The following NHS variants were observed in gnomAD, a reference collection of about 807,000 sequenced individuals.
The protein encoded by NHS is NHS actin remodeling regulator.
Under a neutral mutation model 72.5 loss-of-function variants are expected in NHS, and 5 were observed. The observed-to-expected ratio is 0.07, with a 90% CI of 0.04 to 0.14. The LOEUF (loss-of-function observed/expected upper bound fraction) is 0.14, where lower values mean the gene tolerates loss of function less well. NHS is among the 10% of genes least tolerant of loss of function. The pLI is 1.00. For synonymous variants in NHS, 464 were observed against 547.7 expected (o/e 0.85, Z 2.13); for missense variants, 1,072 against 1,355.7 (o/e 0.79, Z 3.29).
Position 17,642,212 on chromosome X carries a change from C to T in NHS, c.566-45530C>T, listed in dbSNP as rs1296156781. Reference sequence around the variant, plus strand: ...CCGCCCTCCTCGGCTTCCCAAAGTGCTGGGATTACAGGCGTGAGCCGCCAC... The same window carrying T: ...CCGCCCTCCTCGGCTTCCCAAAGTGTTGGGATTACAGGCGTGAGCCGCCAC... On this transcript the variant is annotated intron_variant, in intron 1 of 8. Coordinates refer to ENST00000676302, the MANE Select transcript of NHS (RefSeq NM_001291867.2). Among the ~76,000 whole-genome samples, 3 of 112,332 alleles carry T rather than the reference C, an allele frequency of 2.7e-5. No individual in the cohort carries two copies. The South Asian group carries it at 1.1e-3, about 41-fold the overall frequency.
chrX:17,606,729 T>C (rs752746223), intron 1 of NHS, among the ~76,000 whole-genome samples: 16 of 112,076 alleles, frequency 1.4e-4, no homozygotes, highest in African/African-American at 5.2e-4. Context: ...TTCAGAAGAC[T>C]GGAGCATGTT....
chrX:17,430,022 G>A (rs1347980117), intron 1 of NHS, among the ~76,000 whole-genome samples: 2 of 111,429 alleles, frequency 1.8e-5, no homozygotes, highest in Non-Finnish European at 3.8e-5. Context: ...CATGAAAGAG[G>A]TTCATGGCTA....
rs771171737 is a variant in NHS, at chrX:17,728,336, A to T, written c.4222+8A>T. 1.1e-5 allele frequency: 13 copies of T among 1,201,670 alleles called. No homozygotes were observed. Among genetic ancestry groups the T allele is most frequent in the African/African-American group, 3.5e-5 (2 of 57,039 alleles). On this transcript the variant is annotated splice_region_variant and intron_variant, in intron 7 of 8. Coordinates refer to ENST00000676302, the MANE Select transcript of NHS (RefSeq NM_001291867.2). ...ATGAGGCTTCATTGAAAGGTCAGTC[A>T]CTGATAACTTTGTCATAAAGGAAAT...
At chrX:17,637,922 G>A (rs1250225585) in intron 1 of NHS, among the ~76,000 whole-genome samples, 3 of 112,236 alleles carry the variant, frequency 2.7e-5, no homozygotes, top group East Asian at 2.8e-4. Flanking sequence ...CGTGCTGGAT[G>A]TTGTAGCTGA....
intron 1 of NHS, chrX:17,587,250 T>A (rs942868685): frequency 8.9e-6 from 1 of 112,410 alleles, no homozygotes; most frequent in African/African-American, 3.2e-5. Flanking sequence ...CCTCAGTTAA[T>A]TGTCAAACTG....
intron 1 of NHS, among the ~76,000 whole-genome samples, chrX:17,378,718 C>T (rs185652095): frequency 3.4e-3 from 385 of 111,932 alleles, no homozygotes; most frequent in Non-Finnish European, 5.2e-3. Flanking sequence ...ATCCAGCTGG[C>T]GACCCTCTGA....
In NHS at chrX:17,439,137, G is replaced by A. The variant is rs772715142; in HGVS notation, c.565+62815G>A. Among the ~76,000 whole-genome samples, 13 of 106,849 alleles carry A rather than the reference G, an allele frequency of 1.2e-4. No individual in the cohort carries two copies. In the East Asian group the frequency reaches 3.7e-3, roughly 30 times the overall value. 92.8% of individuals were successfully genotyped at this position (106,849 alleles called of 115,157 possible). A position where few individuals can be genotyped will look rare whatever the true frequency, so the allele number is the denominator to read the frequency against. On this transcript the variant is annotated intron_variant, in intron 1 of 8. Coordinates refer to ENST00000676302, the MANE Select transcript of NHS (RefSeq NM_001291867.2). ...AGCAGGGGTGGGGGGTGGGGCATGT[G>A]CCCATAGGTCTACATCCTAAGGTCA...
At chrX:17,694,895 C>G (rs1184214320) in intron 3 of NHS, among the ~76,000 whole-genome samples, 1 of 111,704 alleles carries the variant, frequency 9.0e-6, no homozygotes, top group Non-Finnish European at 1.9e-5. Context: ...TTGGAAAAAG[C>G]TATTGTATCT....
At chrX:17,687,622 G>T in intron 1 of NHS, 120 bp from the exon 2 acceptor site, 1 of 804,322 alleles carries the variant, frequency 1.2e-6, no homozygotes, top group Non-Finnish European at 1.9e-6. Flanking sequence ...TAATGTGAAT[G>T]CAGTAGTCTG....
chrX:17,515,627 A>T (rs1177480399), intron 1 of NHS, among the ~76,000 whole-genome samples: 2 of 112,053 alleles, frequency 1.8e-5, no homozygotes, highest in Non-Finnish European at 1.9e-5. Context: ...ACCTTTTAGG[A>T]TCCTTTAAAA....
At chrX:17,630,445 C>T (rs2065818913) in intron 1 of NHS, among the ~76,000 whole-genome samples, 1 of 109,117 alleles carries the variant, frequency 9.2e-6, no homozygotes, top group African/African-American at 3.4e-5. Context: ...CCTACATCTC[C>T]TTTACAAGCT....
chrX:17,425,753 A>G (rs1377968970), intron 1 of NHS: 1 of 110,690 alleles, frequency 9.0e-6, no homozygotes, highest in Non-Finnish European at 1.9e-5. Flanking sequence ...CTGCTGGGAA[A>G]GGAATGCTTG....
At chrX:17,670,543 G>A (rs892618785) in intron 1 of NHS, among the ~76,000 whole-genome samples, 1 of 112,577 alleles carries the variant, frequency 8.9e-6, no homozygotes, top group African/African-American at 3.2e-5. Context: ...TCCAGTTAGA[G>A]GACTGGTTTA....
chrX:17,532,665 G>A (rs1315072165), intron 1 of NHS, among the ~76,000 whole-genome samples: 1 of 111,717 alleles, frequency 9.0e-6, no homozygotes, highest in Non-Finnish European at 1.9e-5. Context: ...CAACATTATT[G>A]GAAGAAAGCC....
At chrX:17,403,263 A>G (rs1478090150) in intron 1 of NHS, among the ~76,000 whole-genome samples, 6 of 112,185 alleles carry the variant, frequency 5.3e-5, no homozygotes, top group Non-Finnish European at 1.1e-4. Context: ...TCACATGGCC[A>G]CACCTAACTG....
At chrX:17,538,825 C>T (rs2065247249) in intron 1 of NHS, among the ~76,000 whole-genome samples, 1 of 111,967 alleles carries the variant, frequency 8.9e-6, no homozygotes, top group African/African-American at 3.3e-5. Context: ...TTAAGTGGGG[C>T]GTACACTTCT....
At chrX:17,717,821 G>A (rs1488926818) in intron 3 of NHS, among the ~76,000 whole-genome samples, 1 of 111,631 alleles carries the variant, frequency 9.0e-6, no homozygotes, top group Non-Finnish European at 1.9e-5. Flanking sequence ...TAAATTTTGA[G>A]CAGTCTAGAG....
intron 1 of NHS, among the ~76,000 whole-genome samples, chrX:17,377,191 C>T (rs1033246831): frequency 8.9e-6 from 1 of 111,928 alleles, no homozygotes; most frequent in African/African-American, 3.2e-5. Flanking sequence ...GTCTGCTAGG[C>T]GGGCTGCAGG....
At chrX:17,392,438 G>A (rs1441464807) in intron 1 of NHS, among the ~76,000 whole-genome samples, 1 of 112,330 alleles carries the variant, frequency 8.9e-6, no homozygotes, top group Non-Finnish European at 1.9e-5. Context: ...CTGAAAATGC[G>A]CAGATGACAA....
Sources: gnomAD v4.1 joint callset for allele counts (sites outside exome capture counted in the v4.1 genomes callset) on GRCh38, gnomAD v4.1.1 for gene constraint, MANE v1.5 for transcripts, NCBI Gene and HGNC (gene_info 2026-07-23, HGNC 2026-07-21) for gene names.